CSMD1: variants seen among roughly 807,000 people sequenced by gnomAD.
The protein encoded by CSMD1 is CUB and sushi domain-containing protein 1.
In CSMD1, 213 loss-of-function variants were observed where a neutral mutation model predicts 417.5. The ratio of observed to expected loss-of-function variants is 0.51; its 90% CI spans 0.46 to 0.57. The LOEUF is 0.57. Ranked by LOEUF, CSMD1 falls within the 20% of genes least tolerant of loss-of-function variation. CSMD1 has a pLI of 0.00. For missense variants in CSMD1, 6,923 were observed against 4,529.7 expected, an observed-to-expected ratio of 1.53 and a Z score of -15.17; for synonymous variants, 2,862 against 1,736.8, an observed-to-expected ratio of 1.65 and a Z score of -16.11.
intron 9 of CSMD1, among the ~76,000 whole-genome samples, chr8:3,578,324 A>G (rs1018802192): frequency 6.6e-6 from 1 of 152,122 alleles, no homozygotes; most frequent in Non-Finnish European, 1.5e-5. Context: ...GTCCTTGCTC[A>G]GGGAGCTTTG....
At chr8:4,970,788 C>T (rs923400631) in intron 1 of CSMD1, among the ~76,000 whole-genome samples, 8 of 152,098 alleles carry the variant, frequency 5.3e-5, no homozygotes, top group Admixed American at 2.6e-4. Context: ...AATTTTCCAA[C>T]TACAGAATCT....
At chr8:3,660,371 A>C (rs1798349640) in intron 7 of CSMD1, among the ~76,000 whole-genome samples, 1 of 152,144 alleles carries the variant, frequency 6.6e-6, no homozygotes, top group Non-Finnish European at 1.5e-5. Context: ...CCCAGGGACC[A>C]GCACAGAAAA....
chr8:4,164,142 C>T (rs1195078731), intron 3 of CSMD1, among the ~76,000 whole-genome samples: 1 of 151,306 alleles, frequency 6.6e-6, no homozygotes, highest in Admixed American at 6.6e-5. Context: ...ATAGTGTTCT[C>T]TTAAAATGTA....
rs62504968 is a variant in CSMD1, at chr8:3,237,855, T to C, written c.4154-7624A>G. ...AATTTTTATAATTATACTTATACTA[T>C]AAATATAATTTTTATAATTATACTA... On this transcript the variant is annotated intron_variant, in intron 26 of 69. Transcript: ENST00000635120. Among the ~76,000 whole-genome samples, 244 of 29,446 alleles carry C rather than the reference T, an allele frequency of 8.3e-3. 53 individuals carry two copies. The highest frequency in any genetic ancestry group is 0.039 in the East Asian group (45 of 1,162). The allele number at this position is 29,446 out of a possible 152,430, so 19.3% of individuals were successfully genotyped here.
chr8:4,464,903 G>C (rs754249014), intron 2 of CSMD1, among the ~76,000 whole-genome samples: 14 of 151,992 alleles, frequency 9.2e-5, no homozygotes, highest in South Asian at 2.1e-4. Flanking sequence ...AGTTTTATTA[G>C]CCTCTCCATT....
chr8:4,993,724 G>C (rs375950333), intron 1 of CSMD1, among the ~76,000 whole-genome samples: 1 of 152,226 alleles, frequency 6.6e-6, no homozygotes, highest in Non-Finnish European at 1.5e-5. Context: ...AAGTCCGGGG[G>C]AGAGGAAAGC....
intron 2 of CSMD1, among the ~76,000 whole-genome samples, chr8:4,459,832 G>A (rs775452016): frequency 1.3e-4 from 20 of 152,080 alleles, no homozygotes; most frequent in Non-Finnish European, 2.2e-4. Context: ...GTGTCACTGG[G>A]CCTAGATAAC....
intron 10 of CSMD1, among the ~76,000 whole-genome samples, chr8:3,546,050 C>A (rs139920934): frequency 6.6e-6 from 1 of 152,128 alleles, no homozygotes; most frequent in East Asian, 1.9e-4. Context: ...GCAGTTTCTC[C>A]ATCAAGTTGA....
intron 1 of CSMD1, among the ~76,000 whole-genome samples, chr8:4,659,766 C>A (rs1183596735): frequency 6.6e-6 from 1 of 151,892 alleles, no homozygotes; most frequent in African/African-American, 2.4e-5. Context: ...CGGATTTGTT[C>A]CTGAGAATGC....
At chr8:4,848,381 T>A (rs946710498) in intron 1 of CSMD1, among the ~76,000 whole-genome samples, 4 of 152,218 alleles carry the variant, frequency 2.6e-5, no homozygotes, top group Non-Finnish European at 4.4e-5. Context: ...AAGATTATAG[T>A]GGAGCTGAAA....
At chr8:4,840,086 G>A (rs1004656744) in intron 1 of CSMD1, among the ~76,000 whole-genome samples, 1 of 103,296 alleles carries the variant, frequency 9.7e-6, no homozygotes, top group Non-Finnish European at 2.2e-5. Flanking sequence ...GGCTTGGGAA[G>A]AGCCTACCTG....
intron 46 of CSMD1, among the ~76,000 whole-genome samples, chr8:3,097,428 C>G (rs1383435223): frequency 6.7e-6 from 1 of 150,038 alleles, no homozygotes; most frequent in Admixed American, 6.7e-5. Context: ...AAAGAAAACT[C>G]ATATTTATTT....
rs981591553 is a variant in CSMD1, at chr8:4,549,045, C to A, written c.302+88297G>T. 6.6e-5 allele frequency among the ~76,000 whole-genome samples: 10 copies of A among 152,206 alleles called. No homozygotes were observed. In the Middle Eastern group the frequency reaches 0.017, roughly 259 times the overall value. ...TTAAGTATATTTTGTTGACTTTTCA[C>A]ATTCATTTAATGTTTTTAACTTCAT... On this transcript the variant is annotated intron_variant, in intron 2 of 69. Transcript: ENST00000635120.
At chr8:3,920,018 A>C (rs778146546) in intron 5 of CSMD1, among the ~76,000 whole-genome samples, 10 of 151,636 alleles carry the variant, frequency 6.6e-5, no homozygotes, top group African/African-American at 9.7e-5. Context: ...GGATTTACCA[A>C]ATTTGTTTTT....
intron 12 of CSMD1, among the ~76,000 whole-genome samples, chr8:3,416,061 G>A (rs982062264): frequency 1.3e-5 from 2 of 152,086 alleles, no homozygotes; most frequent in African/African-American, 4.8e-5. Flanking sequence ...TAGCACTTTG[G>A]GAGGCGGAGA....
chr8:3,283,034 T>G (rs1802857493), intron 26 of CSMD1, among the ~76,000 whole-genome samples: 1 of 152,134 alleles, frequency 6.6e-6, no homozygotes, highest in Non-Finnish European at 1.5e-5. Flanking sequence ...CCTTCCTCCT[T>G]CGGAAACCTT....
chr8:3,422,792 G>A (rs544220043), intron 12 of CSMD1, among the ~76,000 whole-genome samples: 5 of 152,174 alleles, frequency 3.3e-5, no homozygotes, highest in Middle Eastern at 6.3e-3. Flanking sequence ...GGTTCAAGAG[G>A]CTAGGAAGAT....
intron 11 of CSMD1, among the ~76,000 whole-genome samples, chr8:3,483,325 C>G (rs1817849265): frequency 6.6e-6 from 1 of 151,898 alleles, no homozygotes; most frequent in East Asian, 1.9e-4. Context: ...CATCAGCCAT[C>G]ACAAAGATAA....
At chr8:3,281,416 C>G (rs1584922863) in intron 26 of CSMD1, among the ~76,000 whole-genome samples, 1 of 152,064 alleles carries the variant, frequency 6.6e-6, no homozygotes, top group South Asian at 2.1e-4. Flanking sequence ...TGCACTCCAG[C>G]CTGGGCGACA....
Sources: gnomAD v4.1 joint callset for allele counts (sites outside exome capture counted in the v4.1 genomes callset) on GRCh38, gnomAD v4.1.1 for gene constraint, MANE v1.5 for transcripts, NCBI Gene and HGNC (gene_info 2026-07-23, HGNC 2026-07-21) for gene names.